Variants in HDAC9 observed in about 807,000 individuals in gnomAD.
The protein encoded by HDAC9 is histone deacetylase 9.
In HDAC9, 41 loss-of-function variants were observed where a neutral mutation model predicts 139.4. The observed-to-expected ratio is 0.29, with a 90% CI of 0.23 to 0.38. The LOEUF is 0.38. Among genes scored for constraint, HDAC9 ranks in the 10% least tolerant of loss-of-function variants. The pLI is 1.00. For synonymous variants in HDAC9, 517 were observed against 476.2 expected, an observed-to-expected ratio of 1.09 and a Z score of -1.12; for missense variants, 1,147 against 1,297.0, an observed-to-expected ratio of 0.88 and a Z score of 1.78.
chr7:18,644,076 C>T (rs1384724020), intron 8 of HDAC9, among the ~76,000 whole-genome samples: 1 of 152,038 alleles, frequency 6.6e-6, no homozygotes, highest in Non-Finnish European at 1.5e-5. Context: ...CCTACTGTGG[C>T]ATAGGACTCA....
chr7:18,858,520 CAT>C (rs1489086540), intron 21 of HDAC9, among the ~76,000 whole-genome samples: 2 of 152,174 alleles, frequency 1.3e-5, no homozygotes, highest in Non-Finnish European at 2.9e-5. Context: ...CCTCCCATGA[CAT>C]GTGGGGATTA....
chr7:18,585,112 A>G (rs1055889284), intron 2 of HDAC9, among the ~76,000 whole-genome samples, 169 bp from the exon 3 acceptor site: 1 of 152,226 alleles, frequency 6.6e-6, no homozygotes, highest in Admixed American at 6.5e-5. Flanking sequence ...TATCAAAACT[A>G]ATGTACAAAT....
intron 14 of HDAC9, among the ~76,000 whole-genome samples, chr7:18,758,784 A>G (rs1007416423): frequency 7.4e-6 from 1 of 135,852 alleles, no homozygotes; most frequent in Non-Finnish European, 1.5e-5. Context: ...CTACAGGTAG[A>G]AACATTTTTT....
At position 18,237,566 on chromosome 7, in the gene HDAC9, A is replaced by T. The variant is rs1333056928; in HGVS notation, c.25+75217A>T. On this transcript the variant is annotated intron_variant, in intron 2 of 12. Transcript: ENST00000417496. Reference sequence around the variant, plus strand: ...ATGGGAGAACACATGTTAGTCTAGGATTGAGATGATAAAGGCACACTAGGG... The same window carrying T: ...ATGGGAGAACACATGTTAGTCTAGGTTTGAGATGATAAAGGCACACTAGGG... Among the ~76,000 whole-genome samples the T allele has an allele frequency of 2.6e-5, 4 of 152,204 alleles. No homozygotes were observed. The South Asian group carries it at 6.2e-4, about 24-fold the overall frequency.
At chr7:18,501,170 T>C (rs1479896757) in intron 2 of HDAC9, among the ~76,000 whole-genome samples, 2 of 152,040 alleles carry the variant, frequency 1.3e-5, no homozygotes, top group Middle Eastern at 3.2e-3. Flanking sequence ...AGAGAAAACA[T>C]TATCAAAGTA....
At chr7:18,137,242 A>C (rs1178367) in intron 1 of HDAC9, among the ~76,000 whole-genome samples, 6 of 90,922 alleles carry the variant, frequency 6.6e-5, no homozygotes, top group African/African-American at 3.5e-4. Flanking sequence ...CAATCATGTC[A>C]TCTGCAAACA....
intron 13 of HDAC9, among the ~76,000 whole-genome samples, chr7:18,734,212 T>C (rs1786668282): frequency 6.6e-6 from 1 of 152,166 alleles, no homozygotes; most frequent in South Asian, 2.1e-4. Context: ...TTATTATATA[T>C]TATAGTGATG....
At chr7:18,930,123 C>A (rs977061796) in intron 22 of HDAC9, among the ~76,000 whole-genome samples, 29 of 152,072 alleles carry the variant, frequency 1.9e-4, no homozygotes, top group African/African-American at 7.0e-4. Context: ...TCCCTCAGCT[C>A]TGCACTCAAT....
At chr7:18,824,050 A>AAGAG (rs1562966406) in intron 17 of HDAC9, among the ~76,000 whole-genome samples, 36 of 127,496 alleles carry the variant, frequency 2.8e-4, no homozygotes, top group East Asian at 9.8e-4. Flanking sequence ...AAGAGGAAGA[A>AAGAG]GAAGAAGAAG....
chr7:18,228,857 A>C (rs1316771449), intron 2 of HDAC9, among the ~76,000 whole-genome samples: 3 of 152,152 alleles, frequency 2.0e-5, no homozygotes, highest in African/African-American at 7.2e-5. Flanking sequence ...TGAGGTAGTA[A>C]AATGGAACCA....
At chr7:18,744,124 G>A (rs541475559) in intron 13 of HDAC9, among the ~76,000 whole-genome samples, 2 of 149,338 alleles carry the variant, frequency 1.3e-5, no homozygotes, top group Admixed American at 1.4e-4. Context: ...CTGAGTAGCT[G>A]GGATTGCAGG....
In HDAC9 at chr7:18,524,160, A is replaced by G. The variant is rs924071078; in HGVS notation, c.22+27836A>G. 2.6e-4 allele frequency among the ~76,000 whole-genome samples: 40 copies of G among 152,296 alleles called. 1 individual carries two copies. Among genetic ancestry groups the G allele is most frequent in the Middle Eastern group, 3.4e-3 (1 of 294 alleles). On this transcript the variant is annotated intron_variant, in intron 2 of 25. Transcript: ENST00000686413. ...AGATTGGGCCTTGGCATACATTCAT[A>G]TCTACACAGATAGCATCTATTTACC...
chr7:18,143,328 C>T (rs1786049167), intron 1 of HDAC9, among the ~76,000 whole-genome samples: 1 of 152,140 alleles, frequency 6.6e-6, no homozygotes. Flanking sequence ...TACATTAAGA[C>T]ATTTTTAAAA....
chr7:18,712,815 CATA>C (rs1484627193), intron 12 of HDAC9, among the ~76,000 whole-genome samples: 1 of 152,088 alleles, frequency 6.6e-6, no homozygotes, highest in Non-Finnish European at 1.5e-5. Flanking sequence ...CATAAATGTG[CATA>C]ATAATATTAT....
At chr7:18,241,589 G>C (rs1050227058) in intron 2 of HDAC9, among the ~76,000 whole-genome samples, 1 of 152,132 alleles carries the variant, frequency 6.6e-6, no homozygotes, top group Non-Finnish European at 1.5e-5. Flanking sequence ...TTTTATTAAT[G>C]ATTTAAAAGT....
At chr7:18,140,550 T>A (rs1437623319) in intron 1 of HDAC9, among the ~76,000 whole-genome samples, 1 of 152,190 alleles carries the variant, frequency 6.6e-6, no homozygotes, top group East Asian at 1.9e-4. Flanking sequence ...GTAGGAAAAA[T>A]TGTTATACAT....
chr7:18,224,044 G>A (rs1045478395), intron 2 of HDAC9, among the ~76,000 whole-genome samples: 2 of 152,136 alleles, frequency 1.3e-5, no homozygotes, highest in African/African-American at 4.8e-5. Flanking sequence ...TAGTAAAGCT[G>A]AATAGTTAAC....
chr7:18,318,729 G>C (rs898563735), intron 1 of HDAC9, among the ~76,000 whole-genome samples: 3 of 152,190 alleles, frequency 2.0e-5, no homozygotes, highest in African/African-American at 7.2e-5. Flanking sequence ...GCTTCAAAGA[G>C]ACCTGGGTTC....
intron 16 of HDAC9, among the ~76,000 whole-genome samples, chr7:18,787,464 C>T (rs2129175415): frequency 6.6e-6 from 1 of 152,276 alleles, no homozygotes; most frequent in South Asian, 2.1e-4. Flanking sequence ...AAAACAAGGC[C>T]TCTGTGGACC....
Sources: gnomAD v4.1 joint callset for allele counts (sites outside exome capture counted in the v4.1 genomes callset) on GRCh38, gnomAD v4.1.1 for gene constraint, MANE v1.5 for transcripts, NCBI Gene and HGNC (gene_info 2026-07-23, HGNC 2026-07-21) for gene names.